The following MTUS2 variants were observed in gnomAD, a reference collection of about 807,000 sequenced individuals.
The protein encoded by MTUS2 is microtubule-associated tumor suppressor candidate 2.
A neutral mutation model predicts 114.1 loss-of-function variants in MTUS2; 40 were observed. The observed-to-expected ratio is 0.35, with a 90% confidence interval of 0.27 to 0.46. MTUS2 has a LOEUF of 0.46. Ranked by LOEUF, MTUS2 falls within the 20% of genes least tolerant of loss-of-function variation. MTUS2 has a pLI of 1.00. For synonymous variants in MTUS2, 688 were observed against 672.0 expected (o/e 1.02, Z -0.37); for missense variants, 1,679 against 1,705.4 (o/e 0.98, Z 0.27).
intron 2 of MTUS2, among the ~76,000 whole-genome samples, chr13:28,877,304 T>A (rs1226905820): frequency 6.8e-6 from 1 of 146,738 alleles, no homozygotes; most frequent in African/African-American, 2.5e-5. Flanking sequence ...GGCGACAGAC[T>A]GAGACTCCAT....
intron 2 of MTUS2, among the ~76,000 whole-genome samples, chr13:28,946,272 CGTGTGTGTGTGTGTGT>C (rs58873985): frequency 2.0e-5 from 3 of 149,134 alleles, no homozygotes; most frequent in Non-Finnish European, 3.0e-5. Context: ...TTTCTGTCTG[CGTGTGTGTGTGTGTGT>C]GTGTGTGTGT....
At chr13:28,839,540 A>T (rs1207967201) in intron 1 of MTUS2, among the ~76,000 whole-genome samples, 4 of 152,216 alleles carry the variant, frequency 2.6e-5, no homozygotes, top group African/African-American at 9.6e-5. Context: ...TCCACTGAGG[A>T]TTAATCTGAA....
chr13:29,032,489 A>C (rs571244779), intron 3 of MTUS2, among the ~76,000 whole-genome samples: 1 of 152,332 alleles, frequency 6.6e-6, no homozygotes, highest in East Asian at 1.9e-4. Context: ...TATATATGAG[A>C]AAAACCAGAG....
At chr13:29,223,650 A>T (rs1476048777) in intron 5 of MTUS2, among the ~76,000 whole-genome samples, 1 of 152,222 alleles carries the variant, frequency 6.6e-6, no homozygotes, top group African/African-American at 2.4e-5. Flanking sequence ...ACATGGGACA[A>T]GAACTTGGGA....
chr13:29,466,315 A>G (rs1336840489), intron 9 of MTUS2, among the ~76,000 whole-genome samples: 1 of 152,246 alleles, frequency 6.6e-6, no homozygotes, highest in Non-Finnish European at 1.5e-5. Flanking sequence ...AGCCATTGCC[A>G]TCAACACACT....
chr13:29,132,416 C>T lies in MTUS2; in HGVS notation c.2644+31446C>T, dbSNP rs543102356. Among the ~76,000 whole-genome samples, 42 of 152,302 alleles carry T rather than the reference C, an allele frequency of 2.8e-4. 1 individual carries two copies. The highest frequency in any genetic ancestry group is 9.9e-4 in the African/African-American group (41 of 41,562). On this transcript the variant is annotated intron_variant, in intron 5 of 15. Transcript: ENST00000612955. ...CATCTTAACGATGAAGTGTACAGTT[C>T]AGTGGCAGTAAGTACATTCACATTG...
chr13:29,468,287 G>T (rs547857659), intron 9 of MTUS2, among the ~76,000 whole-genome samples: 1 of 150,160 alleles, frequency 6.7e-6, no homozygotes, highest in Non-Finnish European at 1.5e-5. Flanking sequence ...CTTCAAAAGA[G>T]CATTACTGAG....
chr13:29,343,570 G>A (rs913975628), intron 7 of MTUS2, among the ~76,000 whole-genome samples: 1 of 151,546 alleles, frequency 6.6e-6, no homozygotes, highest in Non-Finnish European at 1.5e-5. Flanking sequence ...TCTTGCTAAT[G>A]GTCTATCAAT....
intron 2 of MTUS2, among the ~76,000 whole-genome samples, chr13:29,008,425 A>C (rs1041217425): frequency 6.6e-6 from 1 of 152,044 alleles, no homozygotes; most frequent in African/African-American, 2.4e-5. Flanking sequence ...TTCTGTTCCA[A>C]TCTGAACTGG....
chr13:29,333,086 T>A (rs958257016), intron 7 of MTUS2, among the ~76,000 whole-genome samples: 21 of 152,240 alleles, frequency 1.4e-4, no homozygotes, highest in Admixed American at 3.9e-4. Context: ...TTCTCATTGG[T>A]TTCAAAGAAC....
chr13:28,973,077 G>GA (rs1566262415), intron 2 of MTUS2, among the ~76,000 whole-genome samples: 1 of 151,816 alleles, frequency 6.6e-6, no homozygotes, highest in East Asian at 1.9e-4. Context: ...TGCTTTTTTA[G>GA]AAAAAAATCC....
intron 8 of MTUS2, among the ~76,000 whole-genome samples, chr13:29,414,639 A>T (rs1196618335): frequency 6.6e-6 from 1 of 151,866 alleles, no homozygotes; most frequent in Non-Finnish European, 1.5e-5. Flanking sequence ...TAGAATTTCA[A>T]ATATATCTTA....
intron 2 of MTUS2, among the ~76,000 whole-genome samples, chr13:28,976,471 G>T (rs911886576): frequency 1.3e-5 from 2 of 152,186 alleles, no homozygotes; most frequent in Admixed American, 1.3e-4. Context: ...CTTGGAACAG[G>T]TGTGGACTGG....
At chr13:28,986,506 C>T (rs950440793) in intron 2 of MTUS2, among the ~76,000 whole-genome samples, 4 of 152,176 alleles carry the variant, frequency 2.6e-5, no homozygotes, top group African/African-American at 9.7e-5. Flanking sequence ...TGCCTGCTTT[C>T]TCACCAGATG....
chr13:29,442,854 C>T (rs958513795), intron 9 of MTUS2, among the ~76,000 whole-genome samples: 1 of 152,240 alleles, frequency 6.6e-6, no homozygotes, highest in Non-Finnish European at 1.5e-5. Flanking sequence ...AGTTATAGTT[C>T]AGCTAGAACA....
At chr13:29,215,733 G>C (rs1392966694) in intron 5 of MTUS2, among the ~76,000 whole-genome samples, 1 of 152,122 alleles carries the variant, frequency 6.6e-6, no homozygotes, top group Non-Finnish European at 1.5e-5. Flanking sequence ...ATTGCTGCCT[G>C]TTCCTTCCTC....
At position 28,940,363 on chromosome 13, in the gene MTUS2, A is replaced by G. The variant is rs113997068; in HGVS notation, c.-242-84094A>G. 9.2e-3 allele frequency among the ~76,000 whole-genome samples: 1,398 copies of G among 152,352 alleles called. 21 individuals are homozygous for G. Among genetic ancestry groups the G allele is most frequent in the African/African-American group, 0.031 (1,287 of 41,584 alleles). On this transcript the variant is annotated intron_variant, in intron 2 of 15. Coordinates refer to ENST00000612955, the MANE Select transcript of MTUS2 (RefSeq NM_001033602.4). ...ATGCTAAGTGAAAGAAGCTGGAAAT[A>G]AAAGGTCACATATTGTATAATTCCA...
chr13:29,233,838 C>T (rs557805513), intron 5 of MTUS2, among the ~76,000 whole-genome samples: 1 of 152,278 alleles, frequency 6.6e-6, no homozygotes, highest in Non-Finnish European at 1.5e-5. Context: ...TAGTCATTCC[C>T]ATTTCAGAAG....
intron 5 of MTUS2, among the ~76,000 whole-genome samples, chr13:29,211,132 T>TAGA: frequency 6.6e-6 from 1 of 152,124 alleles, no homozygotes; most frequent in South Asian, 2.1e-4. Context: ...CTGTCCTCGG[T>TAGA]GGGTGGGCTT....
Sources: gnomAD v4.1 joint callset for allele counts (sites outside exome capture counted in the v4.1 genomes callset) on GRCh38, gnomAD v4.1.1 for gene constraint, MANE v1.5 for transcripts, NCBI Gene and HGNC (gene_info 2026-07-23, HGNC 2026-07-21) for gene names.